RBFOX1: variants seen among roughly 807,000 people sequenced by gnomAD.
RBFOX1 encodes the protein RNA binding fox-1 homolog 1.
Under a neutral mutation model 57.7 loss-of-function variants are expected in RBFOX1, and 8 were observed. The observed-to-expected ratio is 0.14, with a 90% CI of 0.08 to 0.25. The LOEUF (loss-of-function observed/expected upper bound fraction) is 0.25. RBFOX1 is among the 10% of genes least tolerant of loss of function. The pLI, the probability that RBFOX1 is intolerant of heterozygous loss-of-function variation, is 1.00. For synonymous variants in RBFOX1, 326 were observed against 222.4 expected, an observed-to-expected ratio of 1.47 and a Z score of -4.15; for missense variants, 611 against 548.5, an observed-to-expected ratio of 1.11 and a Z score of -1.14.
chr16:7,484,095 C>G (rs780653929), intron 4 of RBFOX1, among the ~76,000 whole-genome samples: 9 of 152,236 alleles, frequency 5.9e-5, no homozygotes, highest in South Asian at 2.1e-4. Flanking sequence ...TGTGCAGAGT[C>G]TTTTTTGTTT....
chr16:6,972,982 T>G (rs186459191), intron 3 of RBFOX1, among the ~76,000 whole-genome samples: 1 of 151,742 alleles, frequency 6.6e-6, no homozygotes, highest in East Asian at 1.9e-4. Context: ...ATAAAAATAG[T>G]TAGCCCAGCA....
intron 1 of RBFOX1, among the ~76,000 whole-genome samples, chr16:6,063,996 C>G (rs2095724671): frequency 6.6e-6 from 1 of 152,186 alleles, no homozygotes; most frequent in Admixed American, 6.5e-5. Context: ...ATTCCTATAA[C>G]CTCTAACCCT....
intron 1 of RBFOX1, among the ~76,000 whole-genome samples, chr16:5,369,629 T>C (rs1228355581): frequency 1.3e-5 from 2 of 152,232 alleles, no homozygotes; most frequent in East Asian, 3.9e-4. Flanking sequence ...TCCTCTGCTA[T>C]GCTGGGCAAA....
chr16:5,418,534 G>A (rs1056756755), intron 1 of RBFOX1, among the ~76,000 whole-genome samples: 5 of 152,134 alleles, frequency 3.3e-5, no homozygotes, highest in Non-Finnish European at 7.4e-5. Flanking sequence ...TAGACAGAGA[G>A]AGAGGCTGTT....
intron 4 of RBFOX1, among the ~76,000 whole-genome samples, chr16:7,283,566 C>G (rs542899491): frequency 5.9e-5 from 9 of 152,236 alleles, no homozygotes; most frequent in African/African-American, 2.2e-4. Context: ...CCTTGACATT[C>G]TGTATCTCCA....
At chr16:6,077,896 A>T (rs1335684255) in intron 1 of RBFOX1, among the ~76,000 whole-genome samples, 1 of 152,100 alleles carries the variant, frequency 6.6e-6, no homozygotes, top group African/African-American at 2.4e-5. Context: ...AGGAACATCC[A>T]AGGAGTAGAC....
chr16:6,493,397 T>C (rs993659659), intron 2 of RBFOX1, among the ~76,000 whole-genome samples: 8 of 152,160 alleles, frequency 5.3e-5, no homozygotes, highest in African/African-American at 1.9e-4. Flanking sequence ...CACTTGTCAT[T>C]CATCGCCGGT....
At chr16:6,708,661 T>A (rs1055591163) in intron 3 of RBFOX1, among the ~76,000 whole-genome samples, 1 of 152,240 alleles carries the variant, frequency 6.6e-6, no homozygotes, top group African/African-American at 2.4e-5. Context: ...TGCATTCACT[T>A]AATTTCCAAT....
chr16:6,853,328 T>C (rs1043026293), intron 3 of RBFOX1, among the ~76,000 whole-genome samples: 1 of 152,166 alleles, frequency 6.6e-6, no homozygotes, highest in African/African-American at 2.4e-5. Context: ...GTGGTGGTAG[T>C]GGTGGTGGCA....
intron 4 of RBFOX1, among the ~76,000 whole-genome samples, chr16:7,411,090 C>T (rs192801889): frequency 5.3e-5 from 8 of 152,162 alleles, no homozygotes; most frequent in South Asian, 4.2e-4. Flanking sequence ...GGACTACAGG[C>T]GTGAGCCACC....
intron 2 of RBFOX1, among the ~76,000 whole-genome samples, chr16:6,444,835 G>A (rs2094453135): frequency 6.6e-6 from 1 of 152,152 alleles, no homozygotes; most frequent in South Asian, 2.1e-4. Flanking sequence ...CTTCTGAAGG[G>A]CTGGGGCTTG....
At chr16:6,172,025 G>A (rs1243556264) in intron 1 of RBFOX1, among the ~76,000 whole-genome samples, 1 of 151,920 alleles carries the variant, frequency 6.6e-6, no homozygotes, top group Non-Finnish European at 1.5e-5. Flanking sequence ...GTTTCACTGT[G>A]TTAGGCAGGA....
chr16:5,350,296 A>C (rs1481531640), intron 1 of RBFOX1, among the ~76,000 whole-genome samples: 1 of 152,110 alleles, frequency 6.6e-6, no homozygotes, highest in Non-Finnish European at 1.5e-5. Flanking sequence ...ATGGGGCATG[A>C]AGCATACTGT....
chr16:7,066,552 G>C (rs1043036433), intron 4 of RBFOX1, among the ~76,000 whole-genome samples: 4 of 151,108 alleles, frequency 2.6e-5, no homozygotes, highest in African/African-American at 9.7e-5. Flanking sequence ...CAAAGTTTTA[G>C]GTGCTACCAG....
At chr16:6,764,708 G>A (rs557977389) in intron 3 of RBFOX1, among the ~76,000 whole-genome samples, 3 of 152,148 alleles carry the variant, frequency 2.0e-5, no homozygotes, top group African/African-American at 4.8e-5. Context: ...AGGCTGAGGC[G>A]GGTAGGTCAC....
At chr16:5,975,962 G>A (rs753429498) in intron 4 of RBFOX1, among the ~76,000 whole-genome samples, 1 of 152,132 alleles carries the variant, frequency 6.6e-6, no homozygotes. Flanking sequence ...TGGCCAACAC[G>A]GTGAAACCCC....
chr16:7,092,418 C>G (rs138521212), intron 4 of RBFOX1, among the ~76,000 whole-genome samples: 87 of 152,346 alleles, frequency 5.7e-4, no homozygotes, highest in Non-Finnish European at 1.0e-3. Context: ...TTAGAACTTA[C>G]TGTTTTGTAA....
At position 6,585,534 on chromosome 16, in the gene RBFOX1, C is replaced by T. The variant is rs530964070; in HGVS notation, c.-63-69069C>T. ...TCATCTTGACATGTTTTGCAAGGTC[C>T]TTGCCTCTGTGACTTTGAGATCTGT... is the stretch of plus-strand genomic sequence containing the variant. On this transcript the variant is annotated intron_variant, in intron 2 of 15. Coordinates refer to ENST00000550418, the MANE Select transcript of RBFOX1 (RefSeq NM_018723.4). Among the ~76,000 whole-genome samples the T allele has an allele frequency of 1.4e-3, 214 of 152,292 alleles. 4 individuals are homozygous for T. Among genetic ancestry groups the T allele is most frequent in the African/African-American group, 5.1e-3 (211 of 41,570 alleles).
At chr16:6,993,702 C>G (rs867493223) in intron 3 of RBFOX1, among the ~76,000 whole-genome samples, 2 of 152,112 alleles carry the variant, frequency 1.3e-5, no homozygotes, top group Non-Finnish European at 2.9e-5. Context: ...TAATGTTTCT[C>G]CCTCCAATCC....
Sources: allele counts gnomAD v4.1 joint callset (sites outside exome capture counted in the v4.1 genomes callset), GRCh38; gene constraint gnomAD v4.1.1; transcripts MANE v1.5; gene names NCBI Gene and HGNC (gene_info 2026-07-23, HGNC 2026-07-21).